The following WWOX variants were observed in gnomAD, a reference collection of about 807,000 sequenced individuals.
WWOX encodes the protein WW domain-containing oxidoreductase.
In WWOX, 69 loss-of-function variants were observed where a neutral mutation model predicts 46.2. The observed-to-expected ratio is 1.49, with a 90% confidence interval of 1.23 to 1.82. The LOEUF (loss-of-function observed/expected upper bound fraction) is 1.82. Among genes scored for constraint, WWOX ranks in the 40% most tolerant of loss-of-function variants. The pLI is 0.00. For synonymous variants in WWOX, 359 were observed against 202.6 expected (o/e 1.77, Z -6.56); for missense variants, 919 against 542.6 (o/e 1.69, Z -6.89).
intron 8 of WWOX, among the ~76,000 whole-genome samples, chr16:79,110,316 C>T (rs376771641): frequency 7.2e-5 from 11 of 152,208 alleles, no homozygotes; most frequent in African/African-American, 2.6e-4. Context: ...TTACCTTTTT[C>T]TCCCCGACAT....
At chr16:78,113,024 A>C (rs758776168) in intron 3 of WWOX, among the ~76,000 whole-genome samples, 2 of 152,116 alleles carry the variant, frequency 1.3e-5, no homozygotes, top group Non-Finnish European at 2.9e-5. Context: ...TAAATTTTTT[A>C]TGTAGTCAAA....
chr16:78,872,354 C>T (rs770983464), intron 8 of WWOX, among the ~76,000 whole-genome samples: 1 of 151,972 alleles, frequency 6.6e-6, no homozygotes, highest in Non-Finnish European at 1.5e-5. Flanking sequence ...GAGGACTCAA[C>T]AAAGTTATAA....
intron 8 of WWOX, among the ~76,000 whole-genome samples, chr16:78,756,036 C>G (rs2049637852): frequency 1.3e-5 from 2 of 152,120 alleles, no homozygotes; most frequent in South Asian, 4.1e-4. Context: ...CATGTATGAA[C>G]TCTGAGGCAT....
intron 8 of WWOX, among the ~76,000 whole-genome samples, chr16:78,840,541 T>C (rs2052110985): frequency 2.6e-5 from 4 of 152,202 alleles, no homozygotes; most frequent in Admixed American, 2.6e-4. Context: ...GCATTGTTTA[T>C]GTCAGCATTA....
chr16:79,010,093 G>A (rs577762150), intron 8 of WWOX, among the ~76,000 whole-genome samples: 87 of 152,264 alleles, frequency 5.7e-4, no homozygotes, highest in African/African-American at 2.1e-3. Context: ...CACCCACCAT[G>A]TCCCTCTGTT....
chr16:79,012,990 C>A (rs2047342457), intron 8 of WWOX, among the ~76,000 whole-genome samples: 1 of 152,138 alleles, frequency 6.6e-6, no homozygotes, highest in Non-Finnish European at 1.5e-5. Context: ...TCAGGAAGAA[C>A]CTGGGAGATT....
At chr16:79,117,742 C>CT (rs1292854881) in intron 8 of WWOX, among the ~76,000 whole-genome samples, 3 of 152,226 alleles carry the variant, frequency 2.0e-5, no homozygotes, top group African/African-American at 7.2e-5. Context: ...TCATGTTGCA[C>CT]TTTTTTGTTA....
rs1415480018 is a variant in WWOX, at chr16:79,211,981, A to AGTATCACTTTT, written c.*186_*196dup. 3.3e-6 allele frequency: 5 copies of AGTATCACTTTT among 1,536,022 alleles called. No individual in the cohort carries two copies. The highest frequency in any genetic ancestry group is 2.6e-6 in the Non-Finnish European group (3 of 1,146,876). ...GGGAAGCAGGGAATTCCTGGGGTAA[A>AGTATCACTTTT]GTATCACTTTTCTGGGGCTGGGCTA... is the stretch of plus-strand genomic sequence containing the variant. On this transcript the variant is annotated 3_prime_UTR_variant, in exon 9 of 9. Coordinates refer to ENST00000566780, the MANE Select transcript of WWOX (RefSeq NM_016373.4).
At chr16:79,175,735 G>A (rs749341611) in intron 8 of WWOX, among the ~76,000 whole-genome samples, 12 of 152,156 alleles carry the variant, frequency 7.9e-5, no homozygotes, top group Non-Finnish European at 1.6e-4. Flanking sequence ...TAACAAAAAA[G>A]ATCCTTTCAG....
At chr16:78,827,731 C>T (rs556686948) in intron 8 of WWOX, among the ~76,000 whole-genome samples, 1 of 151,894 alleles carries the variant, frequency 6.6e-6, no homozygotes, top group South Asian at 2.1e-4. Flanking sequence ...ATCCCAGCTA[C>T]TTGGGAGGCT....
At chr16:78,852,184 G>A (rs1019367390) in intron 8 of WWOX, among the ~76,000 whole-genome samples, 3 of 152,178 alleles carry the variant, frequency 2.0e-5, no homozygotes, top group Non-Finnish European at 4.4e-5. Flanking sequence ...AGGGAGATGA[G>A]CTTCTGTGGT....
intron 8 of WWOX, among the ~76,000 whole-genome samples, chr16:78,955,334 G>C (rs185042829): frequency 6.6e-6 from 1 of 152,158 alleles, no homozygotes; most frequent in Non-Finnish European, 1.5e-5. Flanking sequence ...AGTGAAATCC[G>C]TTGAGAGGAG....
At chr16:78,662,931 G>C (rs955299726) in intron 8 of WWOX, among the ~76,000 whole-genome samples, 1 of 152,190 alleles carries the variant, frequency 6.6e-6, no homozygotes, top group Admixed American at 6.5e-5. Flanking sequence ...GAATTGGTGA[G>C]AGAGACCGCA....
intron 5 of WWOX, among the ~76,000 whole-genome samples, chr16:78,191,936 A>C (rs2035895513): frequency 6.6e-6 from 1 of 152,244 alleles, no homozygotes; most frequent in Admixed American, 6.5e-5. Context: ...TATGACACAC[A>C]GAGAACACTA....
At chr16:79,069,069 A>G (rs950377376) in intron 8 of WWOX, among the ~76,000 whole-genome samples, 1 of 152,160 alleles carries the variant, frequency 6.6e-6, no homozygotes, top group Non-Finnish European at 1.5e-5. Context: ...AGTAAAGCGC[A>G]GAGCAGATGA....
At chr16:78,317,281 GTCTGTCTCTC>G (rs1567496424) in intron 5 of WWOX, among the ~76,000 whole-genome samples, 7 of 152,026 alleles carry the variant, frequency 4.6e-5, no homozygotes, top group Non-Finnish European at 1.5e-5. Flanking sequence ...CTCTCTCTCT[GTCTGTCTCTC>G]TCTGTCTCTG....
intron 6 of WWOX, among the ~76,000 whole-genome samples, chr16:78,402,475 G>C (rs774622093): frequency 6.6e-6 from 1 of 152,104 alleles, no homozygotes; most frequent in Non-Finnish European, 1.5e-5. Context: ...AAACATCATG[G>C]GTGGGGGGTT....
Position 79,192,552 on chromosome 16 carries a change from G to C in WWOX, c.1057-19056G>C, listed in dbSNP as rs35136616. 4.5e-3 allele frequency among the ~76,000 whole-genome samples: 691 copies of C among 152,298 alleles called. 1 individual carries two copies. The highest frequency in any genetic ancestry group is 7.2e-3 in the Non-Finnish European group (490 of 68,028). On this transcript the variant is annotated intron_variant, in intron 8 of 8. Transcript: ENST00000566780. ...GTTGTACCTGGTAAGGTCTCTATTG[G>C]TCAAGGAAAGGTTTAGCATGGAGAG...
At chr16:78,681,583 G>A (rs2047730785) in intron 8 of WWOX, among the ~76,000 whole-genome samples, 1 of 152,032 alleles carries the variant, frequency 6.6e-6, no homozygotes, top group African/African-American at 2.4e-5. Context: ...AAGCAAAGGG[G>A]CAATACAGGG....
Sources: gnomAD v4.1 joint callset for allele counts (sites outside exome capture counted in the v4.1 genomes callset) on GRCh38, gnomAD v4.1.1 for gene constraint, MANE v1.5 for transcripts, NCBI Gene and HGNC (gene_info 2026-07-23, HGNC 2026-07-21) for gene names.